PCGF3: variants seen among roughly 807,000 people sequenced by gnomAD.
The protein encoded by PCGF3 is polycomb group RING finger protein 3.
Under a neutral mutation model 33.1 loss-of-function variants are expected in PCGF3, and 7 were observed. The ratio of observed to expected loss-of-function variants is 0.21; its 90% confidence interval spans 0.12 to 0.40. The LOEUF is 0.40. Ranked by LOEUF, PCGF3 falls within the 10% of genes least tolerant of loss-of-function variation. The pLI is 1.00. For missense variants in PCGF3, 211 were observed against 313.3 expected, an observed-to-expected ratio of 0.67 and a Z score of 2.46; for synonymous variants, 153 against 121.3, an observed-to-expected ratio of 1.26 and a Z score of -1.72.
At position 733,660 on chromosome 4, in the gene PCGF3, T is replaced by G. The variant is rs768283107; in HGVS notation, c.-9-12T>G. On this transcript the variant is annotated splice_polypyrimidine_tract_variant and intron_variant, in intron 3 of 10. Transcript: ENST00000362003. ...AGTTTCAGGTGTTAATTAATCGCGT[T>G]TTCTCTTGTAGAAGCCAAAGATGTT... 3 of 1,593,280 alleles carry G rather than the reference T, an allele frequency of 1.9e-6. No individual in the cohort carries two copies. Among genetic ancestry groups the G allele is most frequent in the African/African-American group, 1.3e-5 (1 of 74,506 alleles).
chr4:714,224 C>G (rs527883418), intron 1 of PCGF3, among the ~76,000 whole-genome samples: 1 of 152,234 alleles, frequency 6.6e-6, no homozygotes, highest in African/African-American at 2.4e-5. Context: ...CTGAGAGGTG[C>G]GTTCTGTGGT....
At chr4:738,959 C>A (rs530909034) in intron 6 of PCGF3, among the ~76,000 whole-genome samples, 3 of 152,194 alleles carry the variant, frequency 2.0e-5, no homozygotes, top group African/African-American at 7.2e-5. Context: ...ACCACCACCC[C>A]CCGCCAGCAG....
At chr4:762,819 T>G (rs1286945864) in intron 9 of PCGF3, 1 of 152,252 alleles carries the variant, frequency 6.6e-6, no homozygotes, top group Non-Finnish European at 1.5e-5. Context: ...TCGTGATAAT[T>G]TCCACGGCAG....
chr4:732,867 C>T (rs1743661090), intron 3 of PCGF3, among the ~76,000 whole-genome samples: 1 of 152,248 alleles, frequency 6.6e-6, no homozygotes, highest in Non-Finnish European at 1.5e-5. Flanking sequence ...GCCCTGCTCT[C>T]TTGCCTCAAG....
At chr4:729,358 T>C (rs1042053591) in intron 1 of PCGF3, among the ~76,000 whole-genome samples, 1 of 151,360 alleles carries the variant, frequency 6.6e-6, no homozygotes, top group African/African-American at 2.4e-5. Context: ...AAGGCTGTAG[T>C]GAGCCAAGAT....
chr4:735,936 AAGGG>A (rs1405543058), intron 5 of PCGF3, among the ~76,000 whole-genome samples: 1 of 152,228 alleles, frequency 6.6e-6, no homozygotes, highest in Non-Finnish European at 1.5e-5. Context: ...GCTCCAAAGG[AAGGG>A]AAATGCTCCC....
At chr4:722,598 GCCCGTCCGCGCCGGGT>G (rs1743135747) in intron 1 of PCGF3, among the ~76,000 whole-genome samples, 1 of 136,620 alleles carries the variant, frequency 7.3e-6, no homozygotes, top group Non-Finnish European at 1.6e-5. Context: ...TCGCGTCATC[GCCCGTCCGCGCCGGGT>G]CCACACTCAG....
intron 6 of PCGF3, among the ~76,000 whole-genome samples, chr4:742,062 C>G (rs894406875): frequency 3.3e-5 from 5 of 152,094 alleles, no homozygotes; most frequent in Non-Finnish European, 7.4e-5. Flanking sequence ...TTGTGAGGCT[C>G]CAGCACTCCA....
intron 7 of PCGF3, 97 bp downstream of exon 7, chr4:743,681 C>A: frequency 1.4e-6 from 1 of 713,554 alleles, no homozygotes; most frequent in Non-Finnish European, 2.5e-6. Flanking sequence ...CTCCCACACG[C>A]ACTCACGGGA....
In PCGF3 at chr4:735,532, G is replaced by A. The variant is rs370979107; in HGVS notation, c.206+505G>A. Among the ~76,000 whole-genome samples the A allele has an allele frequency of 6.7e-3, 893 of 133,066 alleles. 12 individuals are homozygous for A. The highest frequency in any genetic ancestry group is 0.023 in the African/African-American group (847 of 36,274). The allele number at this position is 133,066 out of a possible 152,430, so 87.3% of individuals were successfully genotyped here. A position where few individuals can be genotyped will look rare whatever the true frequency, so the allele number is the denominator to read the frequency against. ...TTGCACTCCAGCCTGGCGACAGAGC[G>A]AGACTCTGTCTCAAAGAGAAAGAAA... is the stretch of plus-strand genomic sequence containing the variant. On this transcript the variant is annotated intron_variant, in intron 5 of 10. Transcript: ENST00000362003.
intron 8 of PCGF3, among the ~76,000 whole-genome samples, chr4:760,011 C>T (rs968674301): frequency 1.3e-5 from 2 of 152,214 alleles, no homozygotes; most frequent in African/African-American, 2.4e-5. Context: ...CTCACATTGT[C>T]CCTCTCCTGT....
At chr4:753,078 T>A (rs1177964758) in intron 8 of PCGF3, among the ~76,000 whole-genome samples, 1 of 152,226 alleles carries the variant, frequency 6.6e-6, no homozygotes, top group Non-Finnish European at 1.5e-5. Context: ...TGCTGATGGC[T>A]CACACACCTG....
intron 4 of PCGF3, chr4:734,603 T>A (rs1743754123): frequency 8.5e-7 from 1 of 1,178,880 alleles, no homozygotes; most frequent in South Asian, 3.1e-5. Context: ...CAAAGTATTG[T>A]AAAATTATCT....
chr4:743,917 G>T (rs1744204022), intron 7 of PCGF3: 1 of 222,242 alleles, frequency 4.5e-6, no homozygotes, highest in Non-Finnish European at 9.0e-6. Flanking sequence ...CTGTAAAATG[G>T]CAAAATAATG....
intron 1 of PCGF3, among the ~76,000 whole-genome samples, chr4:708,631 C>T (rs1316963137): frequency 1.3e-5 from 2 of 152,212 alleles, no homozygotes; most frequent in Non-Finnish European, 2.9e-5. Context: ...CCCACTCAGC[C>T]CCTCGTCCGG....
chr4:732,202 C>T (rs1743601206), intron 3 of PCGF3, among the ~76,000 whole-genome samples: 1 of 147,548 alleles, frequency 6.8e-6, no homozygotes, highest in African/African-American at 2.5e-5. Flanking sequence ...CTCCCCTCCC[C>T]TCGTGGGTGG....
At chr4:735,517 G>A (rs1743787419) in intron 5 of PCGF3, among the ~76,000 whole-genome samples, 1 of 150,188 alleles carries the variant, frequency 6.7e-6, no homozygotes, top group African/African-American at 2.5e-5. Flanking sequence ...TTGCACTCCA[G>A]CCTGGCGACA....
intron 8 of PCGF3, among the ~76,000 whole-genome samples, chr4:758,333 T>C (rs1227497728): frequency 5.5e-4 from 76 of 138,682 alleles, no homozygotes; most frequent in South Asian, 1.9e-3. Flanking sequence ...CTCTCCCGAG[T>C]TCTTCTCGCT....
rs918954957 is a variant in PCGF3 at position 765,250 on chromosome 4, G to T, written c.681+186G>T. Among the ~76,000 whole-genome samples, 63 of 152,154 alleles carry T rather than the reference G, an allele frequency of 4.1e-4. 1 individual carries two copies. The highest frequency in any genetic ancestry group is 8.8e-5 in the Non-Finnish European group (6 of 68,024). The stretch of plus-strand genomic sequence containing the variant: ...AGATCCAGACAATCCTGGCTAACAT[G>T]GTGAAACCCAATCTCTACTAAAAAT... On this transcript the variant is annotated intron_variant, in intron 10 of 10. Coordinates refer to ENST00000362003, the Ensembl canonical transcript of PCGF3.
Sources: gnomAD v4.1 joint callset for allele counts (sites outside exome capture counted in the v4.1 genomes callset) on GRCh38, gnomAD v4.1.1 for gene constraint, MANE v1.5 for transcripts, NCBI Gene and HGNC (gene_info 2026-07-23, HGNC 2026-07-21) for gene names.